The following BCAS4 variants were observed in gnomAD, a reference collection of about 807,000 sequenced individuals.
BCAS4 encodes breast carcinoma-amplified sequence 4.
In BCAS4, 9 loss-of-function variants were observed where a neutral mutation model predicts 15.7. The ratio of observed to expected loss-of-function variants is 0.57; its 90% CI spans 0.34 to 1.00. The LOEUF is 1.00. BCAS4 is among the 50% of genes least tolerant of loss of function. BCAS4 has a pLI of 0.02. For missense variants in BCAS4, 225 were observed against 239.1 expected, an observed-to-expected ratio of 0.94 and a Z score of 0.39; for synonymous variants, 101 against 99.5, an observed-to-expected ratio of 1.02 and a Z score of -0.09.
intron 2 of BCAS4, 91 bp from the exon 3 acceptor site, chr20:50,830,188 G>T (rs2088326512): frequency 1.0e-6 from 1 of 988,086 alleles, no homozygotes; most frequent in Admixed American, 2.1e-5. Context: ...GCCATCATTG[G>T]GGTCTGTGTA....
intron 3 of BCAS4, among the ~76,000 whole-genome samples, chr20:50,837,374 C>A (rs1289875260): frequency 1.3e-5 from 2 of 152,058 alleles, no homozygotes; most frequent in South Asian, 4.2e-4. Flanking sequence ...ATCACTTGAG[C>A]GCAGGAGTTC....
At chr20:50,838,046 A>G (rs2088431854) in intron 3 of BCAS4, among the ~76,000 whole-genome samples, 1 of 150,384 alleles carries the variant, frequency 6.6e-6, no homozygotes, top group South Asian at 2.1e-4. Context: ...TCAGCCTTTC[A>G]GCCCTGCTAC....
At chr20:50,795,058 G>T, upstream of BCAS4, 1 of 1,481,848 alleles carries the variant, frequency 6.7e-7, no homozygotes, top group Non-Finnish European at 9.0e-7. Flanking sequence ...GGCAGCCTCC[G>T]CCAGCCGGAC....
At chr20:50,875,154 C>A (rs956482446) in intron 4 of BCAS4, among the ~76,000 whole-genome samples, 1 of 152,222 alleles carries the variant, frequency 6.6e-6, no homozygotes, top group East Asian at 1.9e-4. Flanking sequence ...GACATCTGAC[C>A]CCCTGGCGTG....
intron 2 of BCAS4, among the ~76,000 whole-genome samples, chr20:50,821,905 G>C (rs2088220779): frequency 6.6e-6 from 1 of 152,098 alleles, no homozygotes; most frequent in Non-Finnish European, 1.5e-5. Context: ...TCCTTCTACT[G>C]TGGGGCCATG....
intron 4 of BCAS4, among the ~76,000 whole-genome samples, chr20:50,873,690 C>T (rs1395060372): frequency 2.0e-5 from 3 of 152,178 alleles, no homozygotes; most frequent in African/African-American, 7.2e-5. Flanking sequence ...TCCACTGACC[C>T]ACAGAGGCAG....
intron 2 of BCAS4, among the ~76,000 whole-genome samples, chr20:50,829,215 C>G (rs1296529604): frequency 6.6e-6 from 1 of 152,140 alleles, no homozygotes; most frequent in African/African-American, 2.4e-5. Context: ...AAGGCTTCCC[C>G]CAGGAGATTC....
At chr20:50,853,812 G>A (rs1978602224) in intron 4 of BCAS4, among the ~76,000 whole-genome samples, 1 of 141,298 alleles carries the variant, frequency 7.1e-6, no homozygotes. Flanking sequence ...TTGTGTACTG[G>A]GAGGTGTTTT....
chr20:50,855,495 C>T (rs750441996), intron 4 of BCAS4, among the ~76,000 whole-genome samples: 6 of 152,184 alleles, frequency 3.9e-5, no homozygotes, highest in South Asian at 4.2e-4. Flanking sequence ...CCACAATCCT[C>T]GCATCCCCCT....
At chr20:50,880,880 G>A (rs1395747907), downstream of BCAS4, 1 of 152,184 alleles carries the variant, frequency 6.6e-6, no homozygotes, top group Non-Finnish European at 1.5e-5. Context: ...GGAAAAAATA[G>A]AGCTCCATAC....
At position 50,876,560 on chromosome 20, in the gene BCAS4, C is replaced by A; in HGVS notation, c.474C>A (p.Asp158Glu). Residue 158 changes from aspartate (D) to glutamate (E), a missense_variant, in exon 5 of 5, where the codon GAC becomes GAA. By Grantham distance (45) the Asp-to-Glu change is conservative. Coordinates refer to ENST00000371608, the MANE Select transcript of BCAS4 (RefSeq NM_198799.4). ...GGACGGAGGACTATTTTCCTGTGGA[C>A]GCCGGGGAAGCACAGCACCACCCCC... ...LYRTEDYFPVDAGEAQHHPRT... is the reference protein window; with the variant it reads ...LYRTEDYFPVEAGEAQHHPRT... 6.2e-7 allele frequency: 1 copy of A among 1,614,066 alleles called. No individual in the cohort carries two copies. Among genetic ancestry groups the A allele is most frequent in the Non-Finnish European group, 8.5e-7 (1 of 1,179,998 alleles).
intron 1 of BCAS4, among the ~76,000 whole-genome samples, chr20:50,806,925 G>A (rs1415571384): frequency 7.4e-6 from 1 of 135,294 alleles, no homozygotes; most frequent in African/African-American, 2.9e-5. Flanking sequence ...AGGCTGGAGT[G>A]CAGTGGCAAG....
intron 3 of BCAS4, among the ~76,000 whole-genome samples, chr20:50,836,160 C>T (rs1366827863): frequency 1.3e-5 from 2 of 152,188 alleles, no homozygotes; most frequent in African/African-American, 4.8e-5. Flanking sequence ...TCGTGATCTG[C>T]CCGCTTCAGC....
At chr20:50,865,025 G>T (rs778723805) in intron 4 of BCAS4, among the ~76,000 whole-genome samples, 1 of 152,052 alleles carries the variant, frequency 6.6e-6, no homozygotes, top group Non-Finnish European at 1.5e-5. Flanking sequence ...CCCTGGAGGC[G>T]GAGGTTGCAG....
At chr20:50,826,309 G>A (rs1042138325) in intron 2 of BCAS4, among the ~76,000 whole-genome samples, 1 of 152,128 alleles carries the variant, frequency 6.6e-6, no homozygotes, top group Non-Finnish European at 1.5e-5. Context: ...GCTGGGGTGA[G>A]ACAATGGGGA....
At chr20:50,834,568 T>G (rs2123796920) in intron 3 of BCAS4, among the ~76,000 whole-genome samples, 1 of 152,326 alleles carries the variant, frequency 6.6e-6, no homozygotes, top group Admixed American at 6.5e-5. Context: ...GTGCTGGGAT[T>G]ACAGGCATGA....
At chr20:50,837,911 C>T (rs1320598158) in intron 3 of BCAS4, among the ~76,000 whole-genome samples, 1 of 152,188 alleles carries the variant, frequency 6.6e-6, no homozygotes, top group Non-Finnish European at 1.5e-5. Flanking sequence ...TGAGCCAGGC[C>T]TCTGAGGCTA....
At position 50,853,617 on chromosome 20, in the gene BCAS4, A is replaced by C. The variant is rs905451685; in HGVS notation, c.399+11717A>C. Reference sequence around the variant, plus strand: ...AGCAAGGATGCAGACCAGGCCTCACAACCTCAGCACTGTGGACATTTGGGG... The same window carrying C: ...AGCAAGGATGCAGACCAGGCCTCACCACCTCAGCACTGTGGACATTTGGGG... On this transcript the variant is annotated intron_variant, in intron 4 of 4. Coordinates refer to ENST00000371608, the MANE Select transcript of BCAS4 (RefSeq NM_198799.4). Among the ~76,000 whole-genome samples the C allele has an allele frequency of 1.1e-4, 16 of 146,852 alleles. No individual in the cohort carries two copies. In the South Asian group the frequency reaches 3.5e-3, roughly 32 times the overall value.
At chr20:50,845,088 C>A (rs1410821781) in intron 4 of BCAS4, among the ~76,000 whole-genome samples, 6 of 152,070 alleles carry the variant, frequency 3.9e-5, no homozygotes, top group African/African-American at 1.4e-4. Flanking sequence ...TCTGTAGTCG[C>A]CTCACACCCC....
Sources: gnomAD v4.1 joint callset for allele counts (sites outside exome capture counted in the v4.1 genomes callset) on GRCh38, gnomAD v4.1.1 for gene constraint, MANE v1.5 for transcripts, NCBI Gene and HGNC (gene_info 2026-07-23, HGNC 2026-07-21) for gene names.